Variants in KIF26B observed in about 807,000 individuals in gnomAD.
The protein encoded by KIF26B is kinesin family member 26B.
A neutral mutation model predicts 151.2 loss-of-function variants in KIF26B; 63 were observed. That is an observed-to-expected ratio of 0.42 (90% confidence interval 0.34 to 0.51). The LOEUF (loss-of-function observed/expected upper bound fraction) is 0.51, where lower values mean the gene tolerates loss of function less well. Among genes scored for constraint, KIF26B ranks in the 20% least tolerant of loss-of-function variants. The pLI is 0.07. For synonymous variants in KIF26B, 1,357 were observed against 1,262.1 expected (o/e 1.08, Z -1.59); for missense variants, 2,813 against 2,913.6 (o/e 0.97, Z 0.79).
chr1:245,175,554 G>A (rs1668788727), intron 2 of KIF26B, among the ~76,000 whole-genome samples: 1 of 152,054 alleles, frequency 6.6e-6, no homozygotes, highest in African/African-American at 2.4e-5. Context: ...GCCAGCTAAG[G>A]GCAAATTTCT....
intron 4 of KIF26B, among the ~76,000 whole-genome samples, chr1:245,514,774 C>A (rs1049481913): frequency 9.9e-5 from 15 of 152,126 alleles, no homozygotes; most frequent in African/African-American, 3.6e-4. Flanking sequence ...CTGTTACCTC[C>A]ATTTGAGCTA....
chr1:245,428,187 G>A (rs1773784), intron 4 of KIF26B, among the ~76,000 whole-genome samples: 33,661 of 151,926 alleles, frequency 0.22, 3,879 homozygotes, highest in Non-Finnish European at 0.24. Flanking sequence ...CTGACAGGTC[G>A]TAGCTTTACT....
chr1:245,478,146 G>T (rs963751737), intron 4 of KIF26B, among the ~76,000 whole-genome samples: 9 of 151,816 alleles, frequency 5.9e-5, no homozygotes, highest in African/African-American at 2.2e-4. Context: ...GTCCATCCAT[G>T]TTGTAACAAA....
intron 4 of KIF26B, among the ~76,000 whole-genome samples, chr1:245,519,682 T>A (rs535141255): frequency 1.6e-4 from 24 of 152,118 alleles, no homozygotes; most frequent in Middle Eastern, 3.2e-3. Flanking sequence ...CTTCCACAAA[T>A]CTAGATGGTA....
chr1:245,384,168 G>A (rs1393649894), intron 3 of KIF26B, among the ~76,000 whole-genome samples: 4 of 152,118 alleles, frequency 2.6e-5, no homozygotes, highest in African/African-American at 9.7e-5. Context: ...GTGTGCTCCG[G>A]CTTTACGAGG....
At chr1:245,547,300 G>A (rs553457614) in intron 5 of KIF26B, among the ~76,000 whole-genome samples, 40 of 152,286 alleles carry the variant, frequency 2.6e-4, no homozygotes, top group African/African-American at 9.4e-4. Context: ...TAAAGAAAGT[G>A]TGAGCCAGGC....
At chr1:245,181,312 C>T (rs1408791682) in intron 2 of KIF26B, among the ~76,000 whole-genome samples, 1 of 152,042 alleles carries the variant, frequency 6.6e-6, no homozygotes, top group African/African-American at 2.4e-5. Context: ...GAGAAGGCGG[C>T]GTGTTCTGTT....
intron 10 of KIF26B, among the ~76,000 whole-genome samples, chr1:245,661,559 A>G (rs2044139029): frequency 6.6e-6 from 1 of 150,580 alleles, no homozygotes; most frequent in Non-Finnish European, 1.5e-5. Flanking sequence ...TATACACCCA[A>G]TGTTATATAT....
rs181743537 is a variant in KIF26B, at chr1:245,664,406, T to C, written c.2258+18126T>C. 5.3e-5 allele frequency among the ~76,000 whole-genome samples: 8 copies of C among 151,258 alleles called. No individual in the cohort carries two copies. In the East Asian group the frequency reaches 1.6e-3, roughly 29 times the overall value. Reference sequence around the variant, plus strand: ...CATTTAACTGTACTTGGTAAGAAGGTTTTCCTAGGAACCCAGCCTATCATA... The same window carrying C: ...CATTTAACTGTACTTGGTAAGAAGGCTTTCCTAGGAACCCAGCCTATCATA... On this transcript the variant is annotated intron_variant, in intron 10 of 14. Transcript: ENST00000407071.
At chr1:245,640,122 G>GCTCGCGCTCTCTCTCTCTCTCT (rs1553299289) in intron 9 of KIF26B, among the ~76,000 whole-genome samples, 1 of 53,974 alleles carries the variant, frequency 1.9e-5, no homozygotes, top group Non-Finnish European at 3.6e-5. Context: ...ACTAATATTT[G>GCTCGCGCTCTCTCTCTCTCTCT]CTCTCTCTCT....
chr1:245,410,922 A>G (rs1294656626), intron 3 of KIF26B, among the ~76,000 whole-genome samples: 1 of 116,712 alleles, frequency 8.6e-6, no homozygotes. Context: ...CAATAACTCT[A>G]TGAATTTGAC....
chr1:245,566,852 G>A lies in KIF26B; in HGVS notation c.1350+25902G>A, dbSNP rs371844826. On this transcript the variant is annotated intron_variant, in intron 5 of 14. Coordinates refer to ENST00000407071, the MANE Select transcript of KIF26B (RefSeq NM_018012.4). The stretch of plus-strand genomic sequence containing the variant: ...TGAGAGAGAAGAATCACTTGAATCC[G>A]GGAGATGGAGGTTGCAGAAAGCCGA... Among the ~76,000 whole-genome samples, 178 of 152,254 alleles carry A rather than the reference G, an allele frequency of 1.2e-3. 2 individuals carry two copies. In the South Asian group the frequency reaches 0.032, roughly 28 times the overall value.
intron 2 of KIF26B, among the ~76,000 whole-genome samples, chr1:245,214,740 T>C (rs904808265): frequency 6.6e-6 from 1 of 152,158 alleles, no homozygotes; most frequent in South Asian, 2.1e-4. Flanking sequence ...GTTGGGAGGC[T>C]GAGGCAGGAG....
chr1:245,655,555 A>T (rs559426630), intron 10 of KIF26B, among the ~76,000 whole-genome samples: 10 of 152,340 alleles, frequency 6.6e-5, no homozygotes, highest in South Asian at 2.1e-4. Flanking sequence ...GCTCTGCACG[A>T]AAGTGAAGTC....
intron 2 of KIF26B, among the ~76,000 whole-genome samples, chr1:245,164,995 C>T (rs901889093): frequency 2.4e-4 from 36 of 152,074 alleles, no homozygotes; most frequent in African/African-American, 7.7e-4. Flanking sequence ...CGCTTGAGCC[C>T]GGGAGGCGGA....
rs1161919016 is a variant in KIF26B at position 245,702,843 on chromosome 1, C to CT, written c.*237_*238insT. The CT allele has an allele frequency of 2.3e-6, 1 of 437,182 alleles. No homozygotes were observed. Among genetic ancestry groups the CT allele is most frequent in the African/African-American group, 2.0e-5 (1 of 50,820 alleles). The allele number at this position is 437,182 out of a possible 1,614,324, so 27.1% of individuals were successfully genotyped here. A position where few individuals can be genotyped will look rare whatever the true frequency, so the allele number is the denominator to read the frequency against. The stretch of plus-strand genomic sequence containing the variant: ...TGGGAAGCCCGAGGGGTGTCCAAGC[C>CT]CTGTGAGACTGAAAAAGCACTTTGA... On this transcript the variant is annotated 3_prime_UTR_variant, in exon 15 of 15. Transcript: ENST00000407071. The surrounding 1 kb of genome is among the most constrained non-coding windows in gnomAD (Gnocchi z 4.1).
chr1:245,702,348 C>T lies in KIF26B; in HGVS notation c.6179-110C>T. 1 of 1,234,630 alleles carries T rather than the reference C, an allele frequency of 8.1e-7. No individual in the cohort carries two copies. Among genetic ancestry groups the T allele is most frequent in the Non-Finnish European group, 1.2e-6 (1 of 861,866 alleles). The allele number at this position is 1,234,630 out of a possible 1,614,324, so 76.5% of individuals were successfully genotyped here. A position where few individuals can be genotyped will look rare whatever the true frequency, so the allele number is the denominator to read the frequency against. On this transcript the variant is annotated intron_variant, in intron 14 of 14. Coordinates refer to ENST00000407071, the MANE Select transcript of KIF26B (RefSeq NM_018012.4). This position sits in a 1 kb window ranked among gnomAD's most constrained non-coding sequence, Gnocchi z 4.1. ...AGTGGCCTAAGGCAAGCGAACTAGA[C>T]CTTTAGACCAAGGGGTAGATGTGGG...
At chr1:245,388,930 G>A (rs1234274380) in intron 3 of KIF26B, among the ~76,000 whole-genome samples, 1 of 152,194 alleles carries the variant, frequency 6.6e-6, no homozygotes, top group Non-Finnish European at 1.5e-5. Context: ...AGTAAGCATT[G>A]CAGAAGACAG....
At chr1:245,507,469 AC>A (rs1206267762) in intron 4 of KIF26B, among the ~76,000 whole-genome samples, 16 of 152,210 alleles carry the variant, frequency 1.1e-4, no homozygotes, top group African/African-American at 3.9e-4. Flanking sequence ...GGGCCTTTAT[AC>A]CCTCACTGCT....
Sources: allele counts gnomAD v4.1 joint callset (sites outside exome capture counted in the v4.1 genomes callset), GRCh38; gene constraint gnomAD v4.1.1; non-coding constraint Gnocchi (gnomAD v3.1); transcripts MANE v1.5; gene names NCBI Gene and HGNC (gene_info 2026-07-23, HGNC 2026-07-21).